MAL: variants seen among roughly 807,000 people sequenced by gnomAD.
MAL encodes the protein mal, T cell differentiation protein (MAL blood group), also known as myelin and lymphocyte protein.
Under a neutral mutation model 16.7 loss-of-function variants are expected in MAL, and 5 were observed. That is an observed-to-expected ratio of 0.30 (90% CI 0.16 to 0.63). The LOEUF (loss-of-function observed/expected upper bound fraction) is 0.63, where lower values mean the gene tolerates loss of function less well. Among genes scored for constraint, MAL ranks in the 30% least tolerant of loss-of-function variants. The pLI is 0.82. For missense variants in MAL, 202 were observed against 195.8 expected (o/e 1.03, Z -0.19); for synonymous variants, 96 against 85.5 (o/e 1.12, Z -0.67).
At chr2:95,037,325 T>A (rs1171504482) in intron 1 of MAL, among the ~76,000 whole-genome samples, 1 of 145,386 alleles carries the variant, frequency 6.9e-6, no homozygotes, top group East Asian at 2.1e-4. Context: ...AGTGAGTGAG[T>A]GGCTGAGTGA....
chr2:95,045,052 A>G (rs941568402), intron 1 of MAL, among the ~76,000 whole-genome samples: 1 of 152,226 alleles, frequency 6.6e-6, no homozygotes, highest in African/African-American at 2.4e-5. Context: ...TTTTCCCAAA[A>G]TAATGACATT....
intron 1 of MAL, among the ~76,000 whole-genome samples, chr2:95,033,866 A>T (rs1674143854): frequency 6.6e-6 from 1 of 152,206 alleles, no homozygotes; most frequent in African/African-American, 2.4e-5. Context: ...TCTGGGCCTC[A>T]GCCAGCTCAT....
rs772319664 is a variant in MAL at position 95,048,107 on chromosome 2, A to G, written c.242A>G (p.Glu81Gly). The stretch of plus-strand genomic sequence containing the variant: ...TACATAATTGGAGCCCACGGTGGAG[A>G]GACTTCCTGGGTCACCTTGGTGAGT... ...ILYIIGAHGG[E>G]TSWVTLDAAY... The change falls in exon 2 of 4, where the codon GAG becomes GGG. Residue 81 changes from glutamate (E) to glycine (G), a missense_variant. By Grantham distance (98) the Glu-to-Gly change is moderately conservative (BLOSUM62 -2). Transcript: ENST00000309988. 6.2e-7 allele frequency: 1 copy of G among 1,613,536 alleles called. No homozygotes were observed. Among genetic ancestry groups the G allele is most frequent in the South Asian group, 1.1e-5 (1 of 91,054 alleles).
intron 1 of MAL, among the ~76,000 whole-genome samples, chr2:95,035,309 G>A: frequency 6.6e-6 from 1 of 152,156 alleles, no homozygotes; most frequent in East Asian, 1.9e-4. Context: ...TTTTACAGGT[G>A]GCTTACCCAG....
At chr2:95,030,043 G>A (rs1455586162) in intron 1 of MAL, among the ~76,000 whole-genome samples, 1 of 152,232 alleles carries the variant, frequency 6.6e-6, no homozygotes, top group Non-Finnish European at 1.5e-5. Context: ...GGGAGGCGCA[G>A]ATGTCCAAGC....
At chr2:95,047,059 G>A (rs1222049056) in intron 1 of MAL, among the ~76,000 whole-genome samples, 1 of 151,964 alleles carries the variant, frequency 6.6e-6, no homozygotes, top group African/African-American at 2.4e-5. Context: ...GAAAGGAAGG[G>A]CAGGGCAGGG....
chr2:95,035,141 A>G (rs1249388466), intron 1 of MAL, among the ~76,000 whole-genome samples: 1 of 151,824 alleles, frequency 6.6e-6, no homozygotes, highest in Non-Finnish European at 1.5e-5. Context: ...ACCCTCCCAG[A>G]CCCTGGGCGG....
rs577334086 is a variant in MAL at position 95,037,225 on chromosome 2, CCAAG to C, written c.94-10733_94-10730del. Among the ~76,000 whole-genome samples the C allele has an allele frequency of 3.8e-4, 36 of 95,806 alleles. No homozygotes were observed. In the East Asian group the frequency reaches 9.8e-3, roughly 26 times the overall value. 62.9% of individuals were successfully genotyped at this position (95,806 alleles called of 152,430 possible). A position where few individuals can be genotyped will look rare whatever the true frequency, so the allele number is the denominator to read the frequency against. On this transcript the variant is annotated intron_variant, in intron 1 of 3. Transcript: ENST00000309988. ...GGTGAGTGACTGAGTGACTGAGTGA[CCAAG>C]TGAGTGAGTGACTGAGTGAGTGAAT...
At chr2:95,030,791 GT>G (rs1674060086) in intron 1 of MAL, among the ~76,000 whole-genome samples, 1 of 152,212 alleles carries the variant, frequency 6.6e-6, no homozygotes, top group Admixed American at 6.5e-5. Context: ...TGGGGTTGGG[GT>G]GGGGAGACAC....
At chr2:95,038,856 C>CTGAGTGAGTGACTGAGTGGG (rs1283058182) in intron 1 of MAL, among the ~76,000 whole-genome samples, 1 of 7,998 alleles carries the variant, frequency 1.3e-4, no homozygotes, top group Non-Finnish European at 2.0e-4. Flanking sequence ...GACCGAGTGA[C>CTGAGTGAGTGACTGAGTGGG]TGAGTGAGTG....
intron 1 of MAL, among the ~76,000 whole-genome samples, chr2:95,042,675 A>G (rs1220867491): frequency 6.6e-6 from 1 of 152,214 alleles, no homozygotes; most frequent in East Asian, 1.9e-4. Context: ...CAAAGGGGAC[A>G]CAGCACCGTG....
chr2:95,046,578 T>C (rs987479324), intron 1 of MAL, among the ~76,000 whole-genome samples: 6 of 152,208 alleles, frequency 3.9e-5, no homozygotes, highest in Non-Finnish European at 7.3e-5. Context: ...GCTGGGCTAC[T>C]GAGGGGTGCT....
intron 1 of MAL, among the ~76,000 whole-genome samples, chr2:95,046,876 G>GGAGAGAGAGAGAGAAAAGAAAGA (rs1397353820): frequency 7.0e-6 from 1 of 142,186 alleles, no homozygotes; most frequent in African/African-American, 2.6e-5. Flanking sequence ...AAAGAGAAAG[G>GGAGAGAGAGAGAGAAAAGAAAGA]GAGAGAGAGA....
At chr2:95,029,791 T>C (rs553564836) in intron 1 of MAL, among the ~76,000 whole-genome samples, 45 of 152,296 alleles carry the variant, frequency 3.0e-4, no homozygotes, top group African/African-American at 1.1e-3. Context: ...CCTAATTTTG[T>C]ATTCTCTTAT....
chr2:95,050,878 C>G, intron 3 of MAL, among the ~76,000 whole-genome samples: 1 of 152,184 alleles, frequency 6.6e-6, no homozygotes, highest in Non-Finnish European at 1.5e-5. Flanking sequence ...GACTGATCTT[C>G]CTTCCTGGGG....
chr2:95,053,293 C>A, intron 3 of MAL, 88 bp from the exon 4 acceptor site: 1 of 904,562 alleles, frequency 1.1e-6, no homozygotes, highest in Non-Finnish European at 1.8e-6. Context: ...CTGGCCCCCC[C>A]TACGCCACGT....
chr2:95,052,883 C>A (rs145207470), intron 3 of MAL, among the ~76,000 whole-genome samples: 1 of 152,128 alleles, frequency 6.6e-6, no homozygotes, highest in Non-Finnish European at 1.5e-5. Context: ...AATCCTAAAA[C>A]AAAATAATGA....
intron 1 of MAL, chr2:95,044,720 T>C (rs1218950787): frequency 1.3e-5 from 2 of 152,230 alleles, no homozygotes; most frequent in Non-Finnish European, 2.9e-5. Context: ...CTTCATCAGG[T>C]TGGTAAAAGC....
intron 1 of MAL, among the ~76,000 whole-genome samples, chr2:95,043,519 T>A (rs576563843): frequency 2.0e-5 from 3 of 152,304 alleles, no homozygotes; most frequent in South Asian, 4.1e-4. Context: ...GGACAGCTCC[T>A]CTGAGAACGG....
Sources: allele counts gnomAD v4.1 joint callset (sites outside exome capture counted in the v4.1 genomes callset), GRCh38; gene constraint gnomAD v4.1.1; transcripts MANE v1.5; gene names NCBI Gene and HGNC (gene_info 2026-07-23, HGNC 2026-07-21).